Variants in ZFP1 observed in about 807,000 individuals in gnomAD.
The protein encoded by ZFP1 is zinc finger protein 1 homolog.
A neutral mutation model predicts 38.5 loss-of-function variants in ZFP1; 32 were observed. The observed-to-expected ratio is 0.83, with a 90% CI of 0.63 to 1.12. The LOEUF (loss-of-function observed/expected upper bound fraction) is 1.12. Among genes scored for constraint, ZFP1 ranks in the 50% most tolerant of loss-of-function variants. The pLI is 0.00. For synonymous variants in ZFP1, 245 were observed against 168.8 expected (o/e 1.45, Z -3.50); for missense variants, 616 against 480.8 (o/e 1.28, Z -2.63).
the ZFP1 span, among the ~76,000 whole-genome samples, chr16:75,131,937 C>T: frequency 6.6e-6 from 1 of 151,348 alleles, no homozygotes; most frequent in Non-Finnish European, 1.5e-5. Context: ...TGTACTCCAG[C>T]CGGGACGACA....
rs1314153217 is a variant in ZFP1, at chr16:75,169,638, A to T, written c.528A>T (p.Lys176Asn). ...AAGCAGCCATTTTTAAACATCAGAA[A>T]ATAAAAAACTTGGTTCAACCTTTCA... ...SHKAAIFKHQ[K>N]IKNLVQPFIC... The change falls in exon 4 of 4, where the codon AAA becomes AAT. Residue 176 changes from lysine (K) to asparagine (N), a missense_variant. Physicochemically the swap from Lys to Asn is moderately conservative, Grantham distance 94. Transcript: ENST00000570010. 3.8e-6 allele frequency: 6 copies of T among 1,594,302 alleles called. No homozygotes were observed. Among genetic ancestry groups the T allele is most frequent in the Middle Eastern group, 1.7e-4 (1 of 5,924 alleles).
intron 2 of ZFP1, 117 bp downstream of exon 2, chr16:75,153,083 A>G: frequency 7.3e-7 from 1 of 1,369,886 alleles, no homozygotes; most frequent in Admixed American, 2.4e-5. Context: ...TAGCAAGAAT[A>G]ACTAATCAAT....
At chr16:75,152,862 C>T in intron 1 of ZFP1, 47 bp from the exon 2 acceptor site, 1 of 1,545,576 alleles carries the variant, frequency 6.5e-7, no homozygotes, top group Non-Finnish European at 8.8e-7. Flanking sequence ...AGTTGTAAGG[C>T]AGGTCAGACC....
the ZFP1 span, among the ~76,000 whole-genome samples, chr16:75,123,708 G>A: frequency 8.0e-5 from 12 of 150,900 alleles, no homozygotes; most frequent in Admixed American, 7.2e-4. Context: ...GAACTCCTGA[G>A]CTCAGGCAAT....
rs1180966263 is a variant in ZFP1 at position 75,167,056 on chromosome 16, C to A, written c.142+160C>A. ...GCAGCCTTTAAAGCTCTATCATCTC[C>A]TTTCCTTTAAGGCTTCTGAAGTCCA... On this transcript the variant is annotated intron_variant, in intron 3 of 3. Transcript: ENST00000570010. 6.6e-6 allele frequency: 9 copies of A among 1,361,098 alleles called. No homozygotes were observed. The East Asian group carries it at 2.0e-4, about 30-fold the overall frequency. 84.3% of individuals were successfully genotyped at this position (1,361,098 alleles called of 1,614,324 possible).
At chr16:75,159,382 TTCCTTTC>T (rs1567530621) in intron 2 of ZFP1, among the ~76,000 whole-genome samples, 3 of 7,330 alleles carry the variant, frequency 4.1e-4, no homozygotes, top group Admixed American at 1.8e-3. Context: ...CCTCCCTTCC[TTCCTTTC>T]TCTCTCTCTC....
chr16:75,169,509 G>A lies in ZFP1; in HGVS notation c.399G>A (p.Glu133=), dbSNP rs533261664. The A allele has an allele frequency of 9.9e-6, 16 of 1,613,316 alleles. No homozygotes were observed. The South Asian group carries it at 1.3e-4, about 13-fold the overall frequency. Residue 133 remains glutamate (E), a synonymous_variant, in exon 4 of 4, where the codon GAG becomes GAA. Transcript: ENST00000570010. The part of the protein sequence containing the change: ...NRSYAGKQTD[E]CNEFGKALLY... ...GCTATGCAGGAAAGCAGACTGATGA[G>A]TGTAATGAATTTGGAAAAGCACTTC...
the ZFP1 span, among the ~76,000 whole-genome samples, chr16:75,126,606 G>C: frequency 6.6e-6 from 1 of 152,162 alleles, no homozygotes; most frequent in African/African-American, 2.4e-5. Context: ...GTTTCACCAT[G>C]TTGGCCTGCT....
rs754858967 is a variant in ZFP1, at chr16:75,166,835, C to T, written c.81C>T (p.Pro27=). 5 of 1,614,132 alleles carry T rather than the reference C, an allele frequency of 3.1e-6. No individual in the cohort carries two copies. The highest frequency in any genetic ancestry group is 1.1e-5 in the South Asian group (1 of 91,084). ...AGGAGGAATGGGAACAACTGGACCC[C>T]TCTCAGAGGATCCTATACATGGATG... ...FTQEEWEQLD[P]SQRILYMDVM... The change falls in exon 3 of 4, where the codon CCC becomes CCT. Residue 27 remains proline (P), a synonymous_variant. Transcript: ENST00000570010.
upstream of ZFP1, among the ~76,000 whole-genome samples, chr16:75,145,733 C>A (rs2036935906): frequency 6.6e-6 from 1 of 152,312 alleles, no homozygotes; most frequent in African/African-American, 2.4e-5. Flanking sequence ...CCCACGCCAT[C>A]CCCTTTCCAG....
the ZFP1 span, among the ~76,000 whole-genome samples, chr16:75,130,092 G>A: frequency 6.6e-5 from 10 of 152,148 alleles, no homozygotes; most frequent in Middle Eastern, 3.2e-3. Context: ...CACCTCCTGG[G>A]TTCAAGTAAT....
At chr16:75,152,854 T>G in intron 1 of ZFP1, 55 bp from the exon 2 acceptor site, 1 of 1,524,716 alleles carries the variant, frequency 6.6e-7, no homozygotes, top group Non-Finnish European at 9.0e-7. Flanking sequence ...ATTCTAGGAG[T>G]TGTAAGGCAG....
At chr16:75,131,384 G>A in the ZFP1 span, among the ~76,000 whole-genome samples, 98 of 152,246 alleles carry the variant, frequency 6.4e-4, no homozygotes, top group African/African-American at 2.1e-3. Context: ...CCTCCCCGGG[G>A]CAGAGCTCAG....
the ZFP1 span, among the ~76,000 whole-genome samples, chr16:75,143,194 A>G: frequency 6.6e-6 from 1 of 152,168 alleles, no homozygotes; most frequent in Non-Finnish European, 1.5e-5. Context: ...ATATATGAGA[A>G]GACATCACAC....
the ZFP1 span, among the ~76,000 whole-genome samples, chr16:75,125,783 C>T: frequency 6.6e-6 from 1 of 151,990 alleles, no homozygotes; most frequent in East Asian, 1.9e-4. Flanking sequence ...TGGCTCATGA[C>T]TGTAAGCCCA....
chr16:75,160,912 C>G (rs563912297), intron 2 of ZFP1, among the ~76,000 whole-genome samples: 7 of 152,208 alleles, frequency 4.6e-5, no homozygotes, highest in African/African-American at 1.4e-4. Flanking sequence ...CCTCTATGAT[C>G]CAATCACCTC....
chr16:75,166,788 G>A lies in ZFP1; in HGVS notation c.34G>A (p.Asp12Asn). The A allele has an allele frequency of 1.2e-6, 2 of 1,614,126 alleles. No individual in the cohort carries two copies. Among genetic ancestry groups the A allele is most frequent in the Non-Finnish European group, 1.7e-6 (2 of 1,180,018 alleles). Residue 12 changes from aspartate to asparagine, a missense_variant, in exon 3 of 4, where the codon GAT becomes AAT. Physicochemically the swap from Asp to Asn is conservative, Grantham distance 23. Transcript: ENST00000570010. ...ATTTCAGGGATCAGTTTCATTCACG[G>A]ATGTGACTGTGGACTTTACCCAGGA... ...NKSQGSVSFT[D>N]VTVDFTQEEW... is the part of the protein sequence containing the mutation.
Position 75,169,260 on chromosome 16 carries a change from G to C in ZFP1, c.150G>C (p.Trp50Cys). ...NYSNLLSVEV[W>C]KADDQMERDH... is the part of the protein sequence containing the mutation. ...TGTGCTCTCTATTCCTAGAAGTGTG[G>C]AAGGCTGATGACCAGATGGAGAGAG... Residue 50 changes from tryptophan to cysteine, a missense_variant, in exon 4 of 4, where the codon TGG (tryptophan) becomes TGC (cysteine). Physicochemically the swap from Trp to Cys is radical, Grantham distance 215. Coordinates refer to ENST00000570010, the MANE Select transcript of ZFP1 (RefSeq NM_153688.4). The C allele has an allele frequency of 6.2e-7, 1 of 1,606,920 alleles. No individual in the cohort carries two copies. Among genetic ancestry groups the C allele is most frequent in the South Asian group, 1.1e-5 (1 of 90,134 alleles).
Position 75,169,997 on chromosome 16 carries a change from A to G in ZFP1, c.887A>G (p.Tyr296Cys). 3.1e-6 allele frequency: 5 copies of G among 1,614,206 alleles called. No individual in the cohort carries two copies. The highest frequency in any genetic ancestry group is 4.2e-6 in the Non-Finnish European group (5 of 1,180,034). The stretch of plus-strand genomic sequence containing the variant: ...AGAATTCATACAGGAGAGCGACCCT[A>G]TGAGTGTAACGAATGTGCAAAAACC... ...HQRIHTGERP[Y>C]ECNECAKTFF... Residue 296 changes from tyrosine (Y) to cysteine (C), a missense_variant, in exon 4 of 4, where the codon TAT becomes TGT. Coordinates refer to ENST00000570010, the MANE Select transcript of ZFP1 (RefSeq NM_153688.4).
Sources: gnomAD v4.1 joint callset for allele counts (sites outside exome capture counted in the v4.1 genomes callset) on GRCh38, gnomAD v4.1.1 for gene constraint, MANE v1.5 for transcripts, NCBI Gene and HGNC (gene_info 2026-07-23, HGNC 2026-07-21) for gene names.